The following IGF1R variants were observed in gnomAD, a reference collection of about 807,000 sequenced individuals.
IGF1R encodes insulin like growth factor 1 receptor.
A neutral mutation model predicts 144.6 loss-of-function variants in IGF1R; 44 were observed. That is an observed-to-expected ratio of 0.30 (90% CI 0.24 to 0.39). The LOEUF (loss-of-function observed/expected upper bound fraction) is 0.39. Ranked by LOEUF, IGF1R falls within the 10% of genes least tolerant of loss-of-function variation. The probability of loss-of-function intolerance (pLI) is 1.00; values close to 1 mark genes in which losing one functional copy is unlikely to be tolerated. For missense variants in IGF1R, 1,355 were observed against 1,833.7 expected, an observed-to-expected ratio of 0.74 and a Z score of 4.77; for synonymous variants, 795 against 722.8, an observed-to-expected ratio of 1.10 and a Z score of -1.60.
intron 2 of IGF1R, among the ~76,000 whole-genome samples, chr15:98,827,627 A>G (rs1312707596): frequency 6.6e-6 from 1 of 152,190 alleles, no homozygotes; most frequent in East Asian, 1.9e-4. Context: ...CTAGTTAACA[A>G]TCGGAAGTGC....
chr15:98,950,581 C>G (rs1351096576), intron 20 of IGF1R, among the ~76,000 whole-genome samples: 1 of 152,216 alleles, frequency 6.6e-6, no homozygotes, highest in Non-Finnish European at 1.5e-5. Flanking sequence ...TATACAGCCT[C>G]CATAGGCCCT....
chr15:98,831,411 C>T (rs996322630), intron 2 of IGF1R, among the ~76,000 whole-genome samples: 1 of 152,324 alleles, frequency 6.6e-6, no homozygotes, highest in Non-Finnish European at 1.5e-5. Flanking sequence ...TAGAACCTCA[C>T]GCCCAGCTTC....
chr15:98,942,864 C>A, intron 18 of IGF1R, 59 bp from the exon 19 acceptor site: 1 of 1,609,632 alleles, frequency 6.2e-7, no homozygotes, highest in Non-Finnish European at 8.5e-7. Flanking sequence ...GGGTCCTCTG[C>A]TGTGACAGCA....
chr15:98,823,496 G>C (rs1415357733), intron 2 of IGF1R, among the ~76,000 whole-genome samples: 2 of 152,232 alleles, frequency 1.3e-5, no homozygotes, highest in Non-Finnish European at 1.5e-5. Flanking sequence ...ATCTTAACAA[G>C]TTAGTACCTT....
chr15:98,862,026 A>G (rs1284330844), intron 2 of IGF1R, among the ~76,000 whole-genome samples: 2 of 151,852 alleles, frequency 1.3e-5, no homozygotes, highest in Non-Finnish European at 2.9e-5. Flanking sequence ...AGCTTTTCAG[A>G]TGAGATTTGG....
chr15:98,886,454 C>A (rs762957145), intron 2 of IGF1R, among the ~76,000 whole-genome samples: 29 of 152,128 alleles, frequency 1.9e-4, no homozygotes, highest in Non-Finnish European at 4.3e-4. Flanking sequence ...TGTAAGAATT[C>A]CAAGGAATAG....
intron 2 of IGF1R, among the ~76,000 whole-genome samples, chr15:98,751,182 G>A (rs1007145123): frequency 2.6e-5 from 4 of 151,994 alleles, no homozygotes; most frequent in African/African-American, 9.7e-5. Context: ...GCCTTTCAGC[G>A]ACATACACTC....
rs1274690533 is a variant in IGF1R at position 98,750,033 on chromosome 15, A to G, written c.640+41926A>G. Among the ~76,000 whole-genome samples, 4 of 152,306 alleles carry G rather than the reference A, an allele frequency of 2.6e-5. No individual in the cohort carries two copies. In the East Asian group the frequency reaches 7.7e-4, roughly 29 times the overall value. Reference sequence around the variant, plus strand: ...TTCCTTTTCCTTACCTCTAAGGGATATGAAGCTGTGAGAGGGAATTGCATA... The same window carrying G: ...TTCCTTTTCCTTACCTCTAAGGGATGTGAAGCTGTGAGAGGGAATTGCATA... On this transcript the variant is annotated intron_variant, in intron 2 of 20. Transcript: ENST00000650285.
intron 2 of IGF1R, among the ~76,000 whole-genome samples, chr15:98,882,456 G>GTA (rs1457946099): frequency 6.6e-6 from 1 of 152,228 alleles, no homozygotes; most frequent in Non-Finnish European, 1.5e-5. Context: ...TTTCAGATCA[G>GTA]TATGCAATGG....
rs1257865011 is a variant in IGF1R at position 98,934,923 on chromosome 15, A to G, written c.3056A>G (p.Lys1019Arg). 1.9e-6 allele frequency: 3 copies of G among 1,614,038 alleles called. No individual in the cohort carries two copies. Among genetic ancestry groups the G allele is most frequent in the African/African-American group, 1.3e-5 (1 of 74,912 alleles). Residue 1019 changes from lysine to arginine, a missense_variant, in exon 16 of 21, where the codon AAG (lysine) becomes AGG (arginine). Physicochemically the swap from Lys to Arg is conservative, Grantham distance 26. Around this residue, in one of 7 missense-constraint regions of IGF1R, gnomAD observed 880 missense variants for 1,202.7 expected, o/e 0.73. Transcript: ENST00000650285. ...GGGATGGTCTATGAAGGAGTTGCCA[A>G]GGGTGTGGTGAAAGATGAACCTGAA... The part of the protein sequence containing the change: ...SFGMVYEGVA[K>R]GVVKDEPETR...
chr15:98,844,069 A>G (rs1164279026), intron 2 of IGF1R, among the ~76,000 whole-genome samples: 1 of 152,244 alleles, frequency 6.6e-6, no homozygotes, highest in Non-Finnish European at 1.5e-5. Context: ...CATTCTGACT[A>G]CAGTAAATAA....
intron 2 of IGF1R, among the ~76,000 whole-genome samples, chr15:98,768,105 C>A (rs959028083): frequency 2.6e-5 from 4 of 152,110 alleles, no homozygotes; most frequent in African/African-American, 7.2e-5. Context: ...ACGGTAGACT[C>A]CTGTGCTGGC....
At chr15:98,650,048 G>A (rs776623101) in intron 1 of IGF1R, among the ~76,000 whole-genome samples, 221 of 151,814 alleles carry the variant, frequency 1.5e-3, no homozygotes, top group Non-Finnish European at 2.6e-3. Context: ...CCATGCGCAA[G>A]AGCCTCTCCG....
At chr15:98,675,536 T>C (rs1426413385) in intron 1 of IGF1R, among the ~76,000 whole-genome samples, 1 of 152,246 alleles carries the variant, frequency 6.6e-6, no homozygotes. Context: ...AATTGAGCTT[T>C]GCAATTTTAG....
chr15:98,859,857 T>A (rs2012048041), intron 2 of IGF1R, among the ~76,000 whole-genome samples: 1 of 152,200 alleles, frequency 6.6e-6, no homozygotes, highest in African/African-American at 2.4e-5. Context: ...TACTGTATAT[T>A]TTTGTGCAGC....
intron 2 of IGF1R, among the ~76,000 whole-genome samples, chr15:98,815,940 A>G (rs572459751): frequency 1.3e-5 from 2 of 152,298 alleles, no homozygotes; most frequent in East Asian, 1.9e-4. Context: ...TTAAAAGTCA[A>G]TATGGTAAAA....
At chr15:98,838,100 G>A (rs1309427045) in intron 2 of IGF1R, among the ~76,000 whole-genome samples, 4 of 152,048 alleles carry the variant, frequency 2.6e-5, no homozygotes, top group Non-Finnish European at 5.9e-5. Context: ...TTATTGGACA[G>A]GTTTGGGGTT....
intron 20 of IGF1R, among the ~76,000 whole-genome samples, chr15:98,956,776 G>GT (rs745544936): frequency 6.6e-6 from 1 of 152,256 alleles, no homozygotes; most frequent in Non-Finnish European, 1.5e-5. Flanking sequence ...GATGGACAGT[G>GT]TGGACCTGGA....
intron 2 of IGF1R, among the ~76,000 whole-genome samples, chr15:98,873,080 G>A (rs1596381531): frequency 2.0e-5 from 3 of 152,118 alleles, no homozygotes; most frequent in African/African-American, 7.2e-5. Context: ...ATGTCAAGGG[G>A]CCACTTCAGG....
Sources: gnomAD v4.1 joint callset for allele counts (sites outside exome capture counted in the v4.1 genomes callset) on GRCh38, gnomAD v4.1.1 for gene constraint, gnomAD v4.1.1 regional missense constraint, MANE v1.5 for transcripts, NCBI Gene and HGNC (gene_info 2026-07-23, HGNC 2026-07-21) for gene names.